The following CAMK4 variants were observed in gnomAD, a reference collection of about 807,000 sequenced individuals.
CAMK4 encodes the protein calcium/calmodulin-dependent protein kinase type IV.
In CAMK4, 22 loss-of-function variants were observed where a neutral mutation model predicts 44.9. The ratio of observed to expected loss-of-function variants is 0.49; its 90% CI spans 0.35 to 0.70. The LOEUF (loss-of-function observed/expected upper bound fraction) is 0.70. Among genes scored for constraint, CAMK4 ranks in the 30% least tolerant of loss-of-function variants. The probability of loss-of-function intolerance (pLI) is 0.01; values close to 1 mark genes in which losing one functional copy is unlikely to be tolerated. For synonymous variants in CAMK4, 218 were observed against 215.4 expected (o/e 1.01, Z -0.11); for missense variants, 498 against 586.8 (o/e 0.85, Z 1.56).
Position 111,402,368 on chromosome 5 carries a change from C to T in CAMK4, c.459+7586C>T, listed in dbSNP as rs1752259547. Among the ~76,000 whole-genome samples, 4 of 152,146 alleles carry T rather than the reference C, an allele frequency of 2.6e-5. No individual in the cohort carries two copies. The South Asian group carries it at 8.3e-4, about 32-fold the overall frequency. On this transcript the variant is annotated intron_variant, in intron 5 of 10. Coordinates refer to ENST00000282356, the MANE Select transcript of CAMK4 (RefSeq NM_001744.6). ...AGTTTCTGCTTTTATTCAGAGTCTT[C>T]CAAAATGTTCATAGTCTACTAAAGT...
intron 1 of CAMK4, among the ~76,000 whole-genome samples, chr5:111,279,228 A>G (rs1750902142): frequency 6.6e-6 from 1 of 152,184 alleles, no homozygotes; most frequent in Non-Finnish European, 1.5e-5. Context: ...GATGAATATT[A>G]CTGGAGGAAA....
In CAMK4 at chr5:111,328,038, G is replaced by T. The variant is rs1354144033; in HGVS notation, c.162-15986G>T. 2.3e-3 allele frequency among the ~76,000 whole-genome samples: 238 copies of T among 105,246 alleles called. 24 individuals are homozygous for T. Among genetic ancestry groups the T allele is most frequent in the African/African-American group, 9.4e-3 (206 of 21,910 alleles). The allele number at this position is 105,246 out of a possible 152,430, so 69.0% of individuals were successfully genotyped here. ...AATTAGATCCCATTTGTCAATTTTGGCTTTTGTTGCCATTGCTTTTGGTGT... is the reference window on the plus strand; with the variant it reads ...AATTAGATCCCATTTGTCAATTTTGTCTTTTGTTGCCATTGCTTTTGGTGT... On this transcript the variant is annotated intron_variant, in intron 1 of 10. Transcript: ENST00000282356.
At chr5:111,416,310 T>G (rs1752812644) in intron 5 of CAMK4, among the ~76,000 whole-genome samples, 1 of 152,154 alleles carries the variant, frequency 6.6e-6, no homozygotes, top group Non-Finnish European at 1.5e-5. Flanking sequence ...TAACAGTGGT[T>G]ATTTCTTGCC....
chr5:111,494,737 A>G lies in CAMK4; in HGVS notation c.*10271A>G, dbSNP rs377047698. On this transcript the variant is annotated 3_prime_UTR_variant, in exon 11 of 11. Transcript: ENST00000282356. ...GGGTGTTGGAAGACTAATTGTAGAA[A>G]TTTGACCTGAGGGCCAATGTTACTT... 30 of 152,250 alleles carry G rather than the reference A, an allele frequency of 2.0e-4. 1 individual carries two copies. Among genetic ancestry groups the G allele is most frequent in the East Asian group, 9.6e-4 (5 of 5,186 alleles). The allele number at this position is 152,250 out of a possible 1,614,324, so 9.4% of individuals were successfully genotyped here. A position where few individuals can be genotyped will look rare whatever the true frequency, so the allele number is the denominator to read the frequency against.
chr5:111,443,222 T>C (rs1753887045), intron 5 of CAMK4, among the ~76,000 whole-genome samples: 1 of 140,806 alleles, frequency 7.1e-6, no homozygotes, highest in Non-Finnish European at 1.5e-5. Flanking sequence ...CAGTCAGATA[T>C]ATTTAAATGC....
intron 5 of CAMK4, among the ~76,000 whole-genome samples, chr5:111,421,764 AC>A (rs1753040525): frequency 6.6e-6 from 1 of 152,064 alleles, no homozygotes; most frequent in Non-Finnish European, 1.5e-5. Flanking sequence ...CTGTGTCTCC[AC>A]CCAAATCACA....
chr5:111,347,783 C>T (rs900299659), intron 2 of CAMK4, among the ~76,000 whole-genome samples: 3 of 152,066 alleles, frequency 2.0e-5, no homozygotes, highest in Admixed American at 1.3e-4. Flanking sequence ...ACACAATTTC[C>T]AAATAAGGTC....
chr5:111,439,845 T>C (rs1193836648), intron 5 of CAMK4, among the ~76,000 whole-genome samples: 1 of 152,182 alleles, frequency 6.6e-6, no homozygotes, highest in African/African-American at 2.4e-5. Flanking sequence ...AGGCTGCTGA[T>C]GCCAGGAACA....
At chr5:111,418,037 A>T (rs1433649628) in intron 5 of CAMK4, among the ~76,000 whole-genome samples, 1 of 151,844 alleles carries the variant, frequency 6.6e-6, no homozygotes, top group Non-Finnish European at 1.5e-5. Context: ...GGGGATTTTC[A>T]TTTGGGAAAG....
At chr5:111,431,424 G>A (rs958886349) in intron 5 of CAMK4, among the ~76,000 whole-genome samples, 3 of 152,016 alleles carry the variant, frequency 2.0e-5, no homozygotes, top group African/African-American at 4.8e-5. Context: ...GAAAACATGG[G>A]GAAAATCTCC....
At chr5:111,459,581 A>G (rs537403140) in intron 7 of CAMK4, among the ~76,000 whole-genome samples, 1 of 152,164 alleles carries the variant, frequency 6.6e-6, no homozygotes, top group Non-Finnish European at 1.5e-5. Context: ...ATCAAAGTTA[A>G]CCAAATATAT....
intron 5 of CAMK4, among the ~76,000 whole-genome samples, chr5:111,411,607 C>CT (rs1331881621): frequency 1.3e-5 from 2 of 152,174 alleles, no homozygotes; most frequent in African/African-American, 4.8e-5. Flanking sequence ...TTCACTGGAA[C>CT]TTCAGCATAG....
chr5:111,283,373 A>G (rs1561384737), intron 1 of CAMK4, among the ~76,000 whole-genome samples: 2 of 152,230 alleles, frequency 1.3e-5, no homozygotes, highest in Non-Finnish European at 2.9e-5. Flanking sequence ...AAACCTCTTC[A>G]CAGTCAGAGT....
intron 1 of CAMK4, among the ~76,000 whole-genome samples, chr5:111,270,524 C>T (rs1750465113): frequency 6.6e-6 from 1 of 152,248 alleles, no homozygotes; most frequent in African/African-American, 2.4e-5. Context: ...ATCACAACCT[C>T]TCCTTTCAGC....
intron 5 of CAMK4, among the ~76,000 whole-genome samples, chr5:111,438,978 T>G (rs1212323832): frequency 6.6e-6 from 1 of 152,228 alleles, no homozygotes; most frequent in Non-Finnish European, 1.5e-5. Context: ...TGACCACAGT[T>G]GGCTGAACCG....
intron 1 of CAMK4, among the ~76,000 whole-genome samples, chr5:111,337,596 A>G (rs535814720): frequency 3.9e-4 from 58 of 150,630 alleles, no homozygotes; most frequent in African/African-American, 1.3e-3. Flanking sequence ...GTTTTATTTG[A>G]GAAGAAATAA....
At chr5:111,460,113 C>T (rs918197931) in intron 7 of CAMK4, among the ~76,000 whole-genome samples, 2 of 151,808 alleles carry the variant, frequency 1.3e-5, no homozygotes, top group African/African-American at 4.8e-5. Context: ...CCAGAACACC[C>T]ACAAAATGTT....
intron 2 of CAMK4, among the ~76,000 whole-genome samples, chr5:111,350,246 C>T (rs1474220147): frequency 6.6e-6 from 1 of 151,934 alleles, no homozygotes; most frequent in Non-Finnish European, 1.5e-5. Flanking sequence ...ACATGATGAA[C>T]ATTATTCTTA....
chr5:111,395,358 C>T (rs1309222363), intron 5 of CAMK4, among the ~76,000 whole-genome samples: 1 of 151,572 alleles, frequency 6.6e-6, no homozygotes, highest in Non-Finnish European at 1.5e-5. Flanking sequence ...AAATTAATTT[C>T]CATTCTATTA....
Sources: gnomAD v4.1 joint callset for allele counts (sites outside exome capture counted in the v4.1 genomes callset) on GRCh38, gnomAD v4.1.1 for gene constraint, MANE v1.5 for transcripts, NCBI Gene and HGNC (gene_info 2026-07-23, HGNC 2026-07-21) for gene names.